CTNNA1: variants seen among roughly 807,000 people sequenced by gnomAD.
The protein encoded by CTNNA1 is catenin alpha-1.
Under a neutral mutation model 98.4 loss-of-function variants are expected in CTNNA1, and 37 were observed. The observed-to-expected ratio is 0.38, with a 90% CI of 0.29 to 0.49. The LOEUF (loss-of-function observed/expected upper bound fraction) is 0.49. Ranked by LOEUF, CTNNA1 falls within the 20% of genes least tolerant of loss-of-function variation. The pLI, the probability that CTNNA1 is intolerant of heterozygous loss-of-function variation, is 0.95. For missense variants in CTNNA1, 761 were observed against 1,147.2 expected (o/e 0.66, Z 4.86); for synonymous variants, 404 against 413.2 (o/e 0.98, Z 0.27).
In CTNNA1 at chr5:138,818,122, T is replaced by C. The variant is rs1233144068; in HGVS notation, c.588+5820T>C. 2.0e-5 allele frequency among the ~76,000 whole-genome samples: 3 copies of C among 151,410 alleles called. No homozygotes were observed. In the East Asian group the frequency reaches 5.8e-4, roughly 29 times the overall value. ...TGGCAGTTTGTTGATTTCCCCCTTT[T>C]TTTTCCTTTTTCTTTTTTTTTTTTT... On this transcript the variant is annotated intron_variant, in intron 5 of 17. Coordinates refer to ENST00000302763, the MANE Select transcript of CTNNA1 (RefSeq NM_001903.5).
chr5:138,777,033 C>T (rs1273197232), intron 1 of CTNNA1, among the ~76,000 whole-genome samples: 16 of 152,124 alleles, frequency 1.1e-4, no homozygotes, highest in Middle Eastern at 3.4e-3. Flanking sequence ...GGGTGGCTGC[C>T]GGGCAGAGAC....
chr5:138,782,622 G>A (rs1169143892), intron 2 of CTNNA1, among the ~76,000 whole-genome samples: 1 of 152,130 alleles, frequency 6.6e-6, no homozygotes, highest in Non-Finnish European at 1.5e-5. Context: ...GAGATAATCT[G>A]GTATTATGTG....
chr5:138,783,569 A>G (rs1703847741), intron 3 of CTNNA1, among the ~76,000 whole-genome samples, 197 bp downstream of exon 3: 1 of 152,118 alleles, frequency 6.6e-6, no homozygotes, highest in Admixed American at 6.6e-5. Context: ...TTGCTCAGTA[A>G]CTTAGTTATT....
intron 1 of CTNNA1, among the ~76,000 whole-genome samples, chr5:138,764,054 T>A (rs1752642574): frequency 6.6e-6 from 1 of 152,132 alleles, no homozygotes; most frequent in African/African-American, 2.4e-5. Flanking sequence ...GCGCGGTGTC[T>A]CACACTTGTA....
At chr5:138,892,372 C>CTCTG (rs1755635484) in intron 9 of CTNNA1, among the ~76,000 whole-genome samples, 2 of 109,042 alleles carry the variant, frequency 1.8e-5, no homozygotes, top group Non-Finnish European at 1.7e-5. Context: ...CAGAGTCTTG[C>CTCTG]TCTGTCGCCC....
chr5:138,877,109 T>C (rs1751744550), intron 7 of CTNNA1, among the ~76,000 whole-genome samples: 1 of 152,100 alleles, frequency 6.6e-6, no homozygotes, highest in Non-Finnish European at 1.5e-5. Context: ...GACTCTTGAG[T>C]CCTTAGTAAT....
intron 7 of CTNNA1, among the ~76,000 whole-genome samples, chr5:138,829,027 C>T (rs1326924296): frequency 3.9e-5 from 6 of 152,022 alleles, no homozygotes; most frequent in East Asian, 1.9e-4. Context: ...GAGGCTGAGG[C>T]GGAAGAATCG....
At chr5:138,902,193 C>T (rs745811185) in intron 9 of CTNNA1, among the ~76,000 whole-genome samples, 2 of 152,204 alleles carry the variant, frequency 1.3e-5, no homozygotes, top group African/African-American at 4.8e-5. Flanking sequence ...CCACACACTA[C>T]CCTCATGTGT....
chr5:138,763,882 AGT>A (rs10587069), intron 1 of CTNNA1, among the ~76,000 whole-genome samples: 98,225 of 151,900 alleles, frequency 0.65, 32,488 homozygotes, highest in East Asian at 0.89. Flanking sequence ...CTGACTTTTA[AGT>A]GTGTCTTTAG....
chr5:138,798,268 G>A (rs1438000351), intron 3 of CTNNA1, among the ~76,000 whole-genome samples: 2 of 152,144 alleles, frequency 1.3e-5, no homozygotes, highest in African/African-American at 2.4e-5. Context: ...TGGGAGATGT[G>A]TACTCATTTT....
At chr5:138,861,559 A>G (rs1449769324) in intron 7 of CTNNA1, among the ~76,000 whole-genome samples, 1 of 152,210 alleles carries the variant, frequency 6.6e-6, no homozygotes, top group Non-Finnish European at 1.5e-5. Context: ...CATATCTTCT[A>G]CGCCCCAATT....
chr5:138,780,985 G>T (rs926378983), intron 1 of CTNNA1, among the ~76,000 whole-genome samples: 1 of 152,138 alleles, frequency 6.6e-6, no homozygotes, highest in East Asian at 1.9e-4. Context: ...TATTCTTAAA[G>T]CCGCTGTCTG....
intron 3 of CTNNA1, among the ~76,000 whole-genome samples, chr5:138,798,336 C>T (rs754325942): frequency 1.3e-5 from 2 of 152,158 alleles, no homozygotes; most frequent in Admixed American, 6.5e-5. Context: ...TGCCAAATAT[C>T]GAAGCTGGAT....
intron 3 of CTNNA1, among the ~76,000 whole-genome samples, chr5:138,786,610 C>A (rs1183623075): frequency 1.3e-5 from 2 of 152,152 alleles, no homozygotes; most frequent in Non-Finnish European, 2.9e-5. Flanking sequence ...GGGGCCGTAT[C>A]CACTCCACTT....
At chr5:138,779,523 T>C (rs1754799170) in intron 1 of CTNNA1, among the ~76,000 whole-genome samples, 1 of 151,688 alleles carries the variant, frequency 6.6e-6, no homozygotes, top group African/African-American at 2.4e-5. Flanking sequence ...TAATGGGAAA[T>C]GGTCCGTTTT....
chr5:138,924,794 A>C, intron 12 of CTNNA1, 84 bp downstream of exon 12: 1 of 1,237,528 alleles, frequency 8.1e-7, no homozygotes, highest in Non-Finnish European at 1.1e-6. Flanking sequence ...CCCTGTGGTG[A>C]GGAAGGAGGA....
chr5:138,868,739 T>C (rs1411084609), intron 7 of CTNNA1, among the ~76,000 whole-genome samples: 2 of 152,202 alleles, frequency 1.3e-5, no homozygotes, highest in Non-Finnish European at 2.9e-5. Context: ...ATCCTAGTTT[T>C]ACCTCTCTCT....
intron 1 of CTNNA1, among the ~76,000 whole-genome samples, chr5:138,764,447 G>A (rs1036384808): frequency 2.0e-5 from 3 of 152,088 alleles, no homozygotes; most frequent in Admixed American, 1.3e-4. Flanking sequence ...GGAAAAAAAA[G>A]TGGAAATGGA....
Position 138,780,387 on chromosome 5 carries a change from G to A in CTNNA1, c.-2-1536G>A, listed in dbSNP as rs866778117. ...TTTTTGTATTTTTAGTAGAGACTGG[G>A]TTTCACCGTGTTAGGCAGGATGGTC... On this transcript the variant is annotated intron_variant, in intron 1 of 17. Transcript: ENST00000302763. Among the ~76,000 whole-genome samples the A allele has an allele frequency of 4.6e-5, 7 of 150,972 alleles. No homozygotes were observed. In the East Asian group the frequency reaches 7.8e-4, roughly 17 times the overall value.
Sources: gnomAD v4.1 joint callset for allele counts (sites outside exome capture counted in the v4.1 genomes callset) on GRCh38, gnomAD v4.1.1 for gene constraint, MANE v1.5 for transcripts, NCBI Gene and HGNC (gene_info 2026-07-23, HGNC 2026-07-21) for gene names.